NRXN3: variants seen among roughly 807,000 people sequenced by gnomAD.
NRXN3 encodes the protein neurexin 3.
Under a neutral mutation model 137.6 loss-of-function variants are expected in NRXN3, and 32 were observed. The observed-to-expected ratio is 0.23, with a 90% CI of 0.18 to 0.31. NRXN3 has a LOEUF of 0.31. Among genes scored for constraint, NRXN3 ranks in the 10% least tolerant of loss-of-function variants. NRXN3 has a pLI of 1.00. For synonymous variants in NRXN3, 798 were observed against 784.5 expected, an observed-to-expected ratio of 1.02 and a Z score of -0.29; for missense variants, 1,574 against 2,062.5, an observed-to-expected ratio of 0.76 and a Z score of 4.59.
intron 1 of NRXN3, among the ~76,000 whole-genome samples, chr14:78,192,158 G>A (rs979205663): frequency 4.6e-5 from 7 of 151,664 alleles, no homozygotes; most frequent in African/African-American, 1.5e-4. Flanking sequence ...GGTGTGTGTT[G>A]TCAGGATATT....
intron 4 of NRXN3, among the ~76,000 whole-genome samples, chr14:78,419,896 G>A (rs1279478466): frequency 6.6e-6 from 1 of 151,844 alleles, no homozygotes; most frequent in Non-Finnish European, 1.5e-5. Context: ...TCATAGTCAG[G>A]ACTTTACATG....
intron 8 of NRXN3, among the ~76,000 whole-genome samples, chr14:78,719,641 A>G (rs1214828174): frequency 6.6e-6 from 1 of 152,158 alleles, no homozygotes; most frequent in African/African-American, 2.4e-5. Context: ...CAGGAGTTCA[A>G]GACCAGCCTG....
intron 8 of NRXN3, among the ~76,000 whole-genome samples, chr14:78,790,644 C>T (rs1005555394): frequency 6.6e-6 from 1 of 152,020 alleles, no homozygotes; most frequent in Admixed American, 6.6e-5. Flanking sequence ...CACACTTAAG[C>T]AGTGTGTGAT....
At chr14:79,774,090 A>C (rs1188755823) in intron 19 of NRXN3, among the ~76,000 whole-genome samples, 1 of 152,162 alleles carries the variant, frequency 6.6e-6, no homozygotes, top group African/African-American at 2.4e-5. Context: ...GGGGAAAGAG[A>C]AACCCCCGAA....
At chr14:78,998,312 T>A (rs1258680551) in intron 15 of NRXN3, among the ~76,000 whole-genome samples, 1 of 152,190 alleles carries the variant, frequency 6.6e-6, no homozygotes, top group Non-Finnish European at 1.5e-5. Context: ...GGAGAAGACA[T>A]AACATGTAAT....
chr14:79,769,540 T>G (rs904196436), intron 19 of NRXN3, among the ~76,000 whole-genome samples: 3 of 151,984 alleles, frequency 2.0e-5, no homozygotes, highest in Admixed American at 6.6e-5. Flanking sequence ...ATAAGTGAAT[T>G]AGAAATAAAA....
chr14:78,775,718 G>A (rs116042926), intron 8 of NRXN3, among the ~76,000 whole-genome samples: 2,237 of 152,184 alleles, frequency 0.015, 61 homozygotes, highest in African/African-American at 0.051. Flanking sequence ...TTGAAGACAT[G>A]TTCCTTTCTT....
chr14:78,625,221 T>A (rs1010209790), intron 4 of NRXN3, among the ~76,000 whole-genome samples: 4 of 152,230 alleles, frequency 2.6e-5, no homozygotes, highest in African/African-American at 4.8e-5. Flanking sequence ...TACATTTTTT[T>A]AAAATTGTAC....
At chr14:78,481,463 A>G (rs1438068728) in intron 4 of NRXN3, among the ~76,000 whole-genome samples, 3 of 152,114 alleles carry the variant, frequency 2.0e-5, no homozygotes, top group Non-Finnish European at 4.4e-5. Flanking sequence ...GCTAGAGGAG[A>G]AATCTTATTA....
intron 15 of NRXN3, chr14:79,280,651 T>C: frequency 9.1e-7 from 1 of 1,103,994 alleles, no homozygotes; most frequent in Non-Finnish European, 1.3e-6. Context: ...GAATTTAAAA[T>C]GATGAAAAGC....
At chr14:78,506,930 A>G (rs1245147573) in intron 4 of NRXN3, among the ~76,000 whole-genome samples, 4 of 152,074 alleles carry the variant, frequency 2.6e-5, no homozygotes, top group Non-Finnish European at 2.9e-5. Context: ...TTGGAGAAAT[A>G]TCTGTTCACC....
intron 4 of NRXN3, among the ~76,000 whole-genome samples, chr14:78,435,272 A>G (rs532767019): frequency 3.8e-4 from 58 of 152,330 alleles, no homozygotes; most frequent in African/African-American, 1.3e-3. Flanking sequence ...GAATCCAGAC[A>G]TAGTATTGGC....
intron 4 of NRXN3, among the ~76,000 whole-genome samples, chr14:78,394,546 G>T (rs1229442694): frequency 6.6e-6 from 1 of 151,420 alleles, no homozygotes; most frequent in African/African-American, 2.4e-5. Flanking sequence ...TTTTTGTACC[G>T]TTTTTGTCTC....
Position 79,863,132 on chromosome 14 carries a change from T to C in NRXN3, c.*1168T>C, listed in dbSNP as rs1026408412. 6.6e-6 allele frequency: 1 copy of C among 152,488 alleles called. No homozygotes were observed. The highest frequency in any genetic ancestry group is 2.4e-5 in the African/African-American group (1 of 41,404). The allele number at this position is 152,488 out of a possible 1,614,324, so 9.4% of individuals were successfully genotyped here. ...ATGTCATGCCAGAGTACAAAACACA[T>C]AGTTCTTTCCCCGCCCCGAATGTGA... On this transcript the variant is annotated 3_prime_UTR_variant, in exon 21 of 21. Transcript: ENST00000335750.
At chr14:79,439,134 C>T (rs1279862870) in intron 15 of NRXN3, among the ~76,000 whole-genome samples, 1 of 152,228 alleles carries the variant, frequency 6.6e-6, no homozygotes, top group Admixed American at 6.5e-5. Flanking sequence ...ACCTGCATGC[C>T]ACCCACCAAA....
intron 4 of NRXN3, among the ~76,000 whole-genome samples, chr14:78,520,998 A>G (rs1016687766): frequency 2.0e-5 from 3 of 152,194 alleles, no homozygotes; most frequent in African/African-American, 7.2e-5. Context: ...TCTGAATGAC[A>G]TTGTTTTACT....
chr14:79,010,849 G>A (rs890773370), intron 15 of NRXN3, among the ~76,000 whole-genome samples: 1 of 152,150 alleles, frequency 6.6e-6, no homozygotes. Context: ...TAGGAAGCTG[G>A]AATTCACATC....
At chr14:78,774,117 C>T (rs1325196049) in intron 8 of NRXN3, among the ~76,000 whole-genome samples, 3 of 152,086 alleles carry the variant, frequency 2.0e-5, no homozygotes, top group Non-Finnish European at 2.9e-5. Flanking sequence ...TTCTTATTTG[C>T]ATGCTTTATA....
chr14:78,862,507 T>G (rs1254453657), intron 10 of NRXN3, among the ~76,000 whole-genome samples: 1 of 152,122 alleles, frequency 6.6e-6, no homozygotes, highest in Non-Finnish European at 1.5e-5. Flanking sequence ...AAATGGTAAA[T>G]TGGATCAACA....
Sources: allele counts gnomAD v4.1 joint callset (sites outside exome capture counted in the v4.1 genomes callset), GRCh38; gene constraint gnomAD v4.1.1; transcripts MANE v1.5; gene names NCBI Gene and HGNC (gene_info 2026-07-23, HGNC 2026-07-21).